Variants in EGFR observed in about 807,000 individuals in gnomAD.
EGFR encodes epidermal growth factor receptor.
A neutral mutation model predicts 143.0 loss-of-function variants in EGFR; 58 were observed. The ratio of observed to expected loss-of-function variants is 0.41; its 90% confidence interval spans 0.33 to 0.50. The LOEUF (loss-of-function observed/expected upper bound fraction) is 0.50, where lower values mean the gene tolerates loss of function less well. EGFR is among the 20% of genes least tolerant of loss of function. The pLI, the probability that EGFR is intolerant of heterozygous loss-of-function variation, is 0.39. For synonymous variants in EGFR, 613 were observed against 594.4 expected (o/e 1.03, Z -0.45); for missense variants, 1,307 against 1,579.0 (o/e 0.83, Z 2.92).
intron 1 of EGFR, among the ~76,000 whole-genome samples, chr7:55,055,096 G>A (rs1788730027): frequency 1.3e-5 from 2 of 151,644 alleles, no homozygotes; most frequent in South Asian, 4.2e-4. Context: ...TGTCTTTTGG[G>A]TCCCCATAAT....
At chr7:55,070,709 A>G (rs1789772046) in intron 1 of EGFR, among the ~76,000 whole-genome samples, 1 of 152,182 alleles carries the variant, frequency 6.6e-6, no homozygotes, top group African/African-American at 2.4e-5. Context: ...GCCAGGGCTG[A>G]TTGTAGAAGC....
At chr7:55,156,956 T>C in intron 10 of EGFR, 124 bp downstream of exon 10, 2 of 1,544,180 alleles carry the variant, frequency 1.3e-6, no homozygotes, top group Non-Finnish European at 1.7e-6. Flanking sequence ...CGTTAATGGC[T>C]GATGTTTTGA....
In EGFR at chr7:55,152,575, T is replaced by G; in HGVS notation, c.658T>G (p.Ser220Ala). Residue 220 changes from serine (S) to alanine (A), a missense_variant, in exon 6 of 28, where the codon TCC (serine) becomes GCC (alanine). Physicochemically the swap from Ser to Ala is moderately conservative, Grantham distance 99 (BLOSUM62 1). Around this residue, in one of 7 missense-constraint regions of EGFR, gnomAD observed 311 missense variants for 412.3 expected, o/e 0.75. Coordinates refer to ENST00000275493, the MANE Select transcript of EGFR (RefSeq NM_005228.5). Reference protein sequence around the residue: ...LTKIICAQQCSGRCRGKSPSD... With the variant: ...LTKIICAQQCAGRCRGKSPSD... ...CAAAATCATCTGTGCCCAGCAGTGC[T>G]CCGGGCGCTGCCGTGGCAAGTCCCC... The G allele has an allele frequency of 6.2e-7, 1 of 1,613,944 alleles. No homozygotes were observed. The highest frequency in any genetic ancestry group is 1.1e-5 in the South Asian group (1 of 91,080).
At chr7:55,174,851 A>C (rs751629380) in intron 19 of EGFR, 31 bp downstream of exon 19, 1 of 1,581,648 alleles carries the variant, frequency 6.3e-7, no homozygotes, top group East Asian at 2.2e-5. Flanking sequence ...GTGGGGGTCC[A>C]TGGCTCTGAA....
At chr7:55,061,063 G>A (rs754939731) in intron 1 of EGFR, among the ~76,000 whole-genome samples, 4 of 152,148 alleles carry the variant, frequency 2.6e-5, no homozygotes, top group South Asian at 2.1e-4. Context: ...CAGCCCATGC[G>A]CCTGCTCTTC....
chr7:55,036,352 C>T (rs960791499), intron 1 of EGFR, among the ~76,000 whole-genome samples: 3 of 145,468 alleles, frequency 2.1e-5, no homozygotes, highest in Non-Finnish European at 4.5e-5. Context: ...GTTCTGCCTT[C>T]TTTATTTTCA....
intron 1 of EGFR, among the ~76,000 whole-genome samples, chr7:55,093,597 C>T (rs1025683246): frequency 6.6e-6 from 1 of 152,186 alleles, no homozygotes; most frequent in African/African-American, 2.4e-5. Context: ...ATCATAAAAT[C>T]TTCTTTCATA....
At chr7:55,152,026 T>C (rs1785184280) in intron 5 of EGFR, among the ~76,000 whole-genome samples, 1 of 152,238 alleles carries the variant, frequency 6.6e-6, no homozygotes, top group Non-Finnish European at 1.5e-5. Flanking sequence ...TCCCTGGCTT[T>C]CTTTGGTACC....
At chr7:55,181,201 G>A (rs760665553) in intron 19 of EGFR, 92 bp from the exon 20 acceptor site, 41 of 1,437,068 alleles carry the variant, frequency 2.9e-5, no homozygotes, top group East Asian at 2.3e-5. Flanking sequence ...ACTCAAGATC[G>A]CATTCATGCG....
rs1338228847 is a variant in EGFR at position 55,170,987 on chromosome 7, GTGAA to G, written c.1881-183_1881-180del. On this transcript the variant is annotated intron_variant, in intron 15 of 27. Coordinates refer to ENST00000275493, the MANE Select transcript of EGFR (RefSeq NM_005228.5). ...GTAGAAACTCAAAAATATTTGCTGA[GTGAA>G]TGAACAAATGAATAAATGCATAATA... 1.1e-5 allele frequency: 16 copies of G among 1,457,696 alleles called. No individual in the cohort carries two copies. The African/African-American group carries it at 1.4e-4, about 13-fold the overall frequency. 90.3% of individuals were successfully genotyped at this position (1,457,696 alleles called of 1,614,324 possible).
chr7:55,065,694 G>A (rs895859700), intron 1 of EGFR, among the ~76,000 whole-genome samples: 10 of 151,398 alleles, frequency 6.6e-5, no homozygotes, highest in African/African-American at 2.4e-4. Flanking sequence ...GAAGGTGTTG[G>A]GGGAATTAGG....
Position 55,193,419 on chromosome 7 carries a change from A to G in EGFR, c.2701+578A>G, listed in dbSNP as rs1340943199. On this transcript the variant is annotated intron_variant, in intron 22 of 27. Transcript: ENST00000275493. ...CTTCTGAATCCCAGTGTTGCCCAGC[A>G]CTGGCCTGTACCCATCCTCACGAGG... 4.6e-5 allele frequency among the ~76,000 whole-genome samples: 7 copies of G among 152,100 alleles called. No homozygotes were observed. In the South Asian group the frequency reaches 1.2e-3, roughly 27 times the overall value.
rs368763603 is a variant in EGFR, at chr7:55,170,525, C to T, written c.1881-650C>T. On this transcript the variant is annotated intron_variant, in intron 15 of 27. Transcript: ENST00000275493. ...TGGCCTTCTGCATCTGTGATCATCA[C>T]GGCCTCCTCCTGCCACTGAGCCTCA... The T allele has an allele frequency of 5.0e-5, 80 of 1,613,532 alleles. No individual in the cohort carries two copies. The South Asian group carries it at 6.0e-4, about 12-fold the overall frequency.
intron 1 of EGFR, 128 bp from the exon 2 acceptor site, chr7:55,142,158 T>G: frequency 1.8e-6 from 2 of 1,117,574 alleles, no homozygotes; most frequent in Non-Finnish European, 2.7e-6. Context: ...TGGGCAGGAA[T>G]GGGTGAGTCT....
chr7:55,037,541 T>A (rs1787662239), intron 1 of EGFR, among the ~76,000 whole-genome samples: 1 of 152,232 alleles, frequency 6.6e-6, no homozygotes, highest in African/African-American at 2.4e-5. Flanking sequence ...TTTGAATACT[T>A]GTGTGAGGAT....
In EGFR at chr7:55,131,661, C is replaced by T. The variant is rs549883945; in HGVS notation, c.89-10625C>T. ...CCCAAAGGCACTGAGCGCCCTCTGC[C>T]CCCCAGCAATTCAATTCACTGGCTG... On this transcript the variant is annotated intron_variant, in intron 1 of 27. Transcript: ENST00000275493. Among the ~76,000 whole-genome samples the T allele has an allele frequency of 1.5e-4, 23 of 152,298 alleles. No individual in the cohort carries two copies. The South Asian group carries it at 4.8e-3, about 32-fold the overall frequency.
intron 1 of EGFR, among the ~76,000 whole-genome samples, chr7:55,073,985 A>C (rs1009986605): frequency 6.6e-6 from 1 of 152,220 alleles, no homozygotes; most frequent in African/African-American, 2.4e-5. Flanking sequence ...CTTAGATTGC[A>C]TCTCAGACAC....
intron 3 of EGFR, 111 bp from the exon 4 acceptor site, chr7:55,146,495 T>C (rs17289672): frequency 0.023 from 35,175 of 1,545,192 alleles, 447 homozygotes; most frequent in Middle Eastern, 0.026. Flanking sequence ...GGACTCTTGT[T>C]CGCACCATGG....
intron 4 of EGFR, among the ~76,000 whole-genome samples, chr7:55,149,447 G>C (rs959519422): frequency 4.6e-5 from 7 of 152,094 alleles, no homozygotes. Context: ...AATGTAATAA[G>C]TAGGTCAAAA....
Sources: allele counts gnomAD v4.1 joint callset (sites outside exome capture counted in the v4.1 genomes callset), GRCh38; gene constraint gnomAD v4.1.1; regional missense constraint gnomAD v4.1.1; transcripts MANE v1.5; gene names NCBI Gene and HGNC (gene_info 2026-07-23, HGNC 2026-07-21).